Variants in PGGT1B observed in about 807,000 individuals in gnomAD.
PGGT1B encodes geranylgeranyl transferase type-1 subunit beta.
A neutral mutation model predicts 46.1 loss-of-function variants in PGGT1B; 30 were observed. That is an observed-to-expected ratio of 0.65 (90% CI 0.49 to 0.88). PGGT1B has a LOEUF of 0.88. PGGT1B is among the 40% of genes least tolerant of loss of function. The pLI is 0.00. For synonymous variants in PGGT1B, 170 were observed against 160.0 expected, an observed-to-expected ratio of 1.06 and a Z score of -0.47; for missense variants, 376 against 455.9, an observed-to-expected ratio of 0.82 and a Z score of 1.60.
chr5:115,257,734 C>T (rs1748385317), intron 1 of PGGT1B, among the ~76,000 whole-genome samples: 1 of 152,134 alleles, frequency 6.6e-6, no homozygotes, highest in Non-Finnish European at 1.5e-5. Flanking sequence ...GTGTCTTAAA[C>T]AATGGACTAC....
chr5:115,204,576 C>CTT lies in PGGT1B; in HGVS notation c.*7824_*7825dup, dbSNP rs1756010467. 1.3e-5 allele frequency: 2 copies of CTT among 152,098 alleles called. No individual in the cohort carries two copies. Among genetic ancestry groups the CTT allele is most frequent in the African/African-American group, 4.8e-5 (2 of 41,430 alleles). 9.4% of individuals were successfully genotyped at this position (152,098 alleles called of 1,614,324 possible). On this transcript the variant is annotated 3_prime_UTR_variant, in exon 9 of 9. Transcript: ENST00000419445. ...TTTTCACCCACCTAGAATGAAAAAA[C>CTT]TTTAAGCTTGATAAAATCCGGTGTC...
intron 8 of PGGT1B, among the ~76,000 whole-genome samples, chr5:115,216,059 T>C (rs554063762): frequency 1.3e-5 from 2 of 152,270 alleles, no homozygotes; most frequent in East Asian, 3.9e-4. Flanking sequence ...CCATTTATAT[T>C]GTCTGAATCT....
chr5:115,206,208 T>C lies in PGGT1B; in HGVS notation c.*6194A>G, dbSNP rs1174183423. On this transcript the variant is annotated 3_prime_UTR_variant, in exon 9 of 9. Transcript: ENST00000419445. ...TCAGATATTTAAAGAATATTCTCTA[T>C]TTCTATATCTCTATATACAGAGATT... 6.2e-4 allele frequency: 95 copies of C among 152,014 alleles called. No homozygotes were observed. The highest frequency in any genetic ancestry group is 2.2e-4 in the Non-Finnish European group (15 of 67,842). The allele number at this position is 152,014 out of a possible 1,614,324, so 9.4% of individuals were successfully genotyped here. A position where few individuals can be genotyped will look rare whatever the true frequency, so the allele number is the denominator to read the frequency against.
intron 5 of PGGT1B, 101 bp from the exon 6 acceptor site, chr5:115,231,122 T>C: frequency 1.7e-6 from 1 of 583,080 alleles, no homozygotes; most frequent in East Asian, 3.3e-5. Context: ...TCTCTTTAAA[T>C]TTTATTTCTC....
chr5:115,212,374 T>TGCCCCCCC lies in PGGT1B; in HGVS notation c.*27_*28insGGGGGGGC. On this transcript the variant is annotated 3_prime_UTR_variant, in exon 9 of 9. Coordinates refer to ENST00000419445, the MANE Select transcript of PGGT1B (RefSeq NM_005023.4). ...ACTTGAGCTACAGTTATGCTACAAATCCCCCCACCCTCCCAATCTAAAATC... is the reference window on the plus strand; with the variant it reads ...ACTTGAGCTACAGTTATGCTACAAATGCCCCCCCCCCCCCACCCTCCCAATCTAAAATC... The TGCCCCCCC allele has an allele frequency of 6.4e-7, 1 of 1,554,744 alleles. No individual in the cohort carries two copies. The highest frequency in any genetic ancestry group is 8.8e-7 in the Non-Finnish European group (1 of 1,131,920).
intron 7 of PGGT1B, among the ~76,000 whole-genome samples, chr5:115,221,127 A>C (rs932300909): frequency 1.3e-5 from 2 of 152,008 alleles, no homozygotes; most frequent in African/African-American, 4.8e-5. Flanking sequence ...CTTATACATA[A>C]ATTTTAAGAG....
intron 2 of PGGT1B, among the ~76,000 whole-genome samples, chr5:115,247,569 C>G (rs1747907775): frequency 6.6e-6 from 1 of 152,072 alleles, no homozygotes; most frequent in Non-Finnish European, 1.5e-5. Context: ...AATAATTCCA[C>G]ATAAATCTCA....
intron 2 of PGGT1B, among the ~76,000 whole-genome samples, chr5:115,251,086 C>G (rs1332721333): frequency 6.6e-6 from 1 of 152,058 alleles, no homozygotes; most frequent in Admixed American, 6.6e-5. Flanking sequence ...TAGAACATAT[C>G]TTTTGGGGAA....
chr5:115,261,249 C>T (rs1181773072), intron 1 of PGGT1B, among the ~76,000 whole-genome samples: 1 of 152,154 alleles, frequency 6.6e-6, no homozygotes, highest in Non-Finnish European at 1.5e-5. Context: ...AAGGTATAGG[C>T]TCTGCTAATC....
intron 7 of PGGT1B, 70 bp downstream of exon 7, chr5:115,221,754 A>T: frequency 1.0e-6 from 1 of 962,848 alleles, no homozygotes; most frequent in Non-Finnish European, 1.5e-6. Context: ...CATTACAAAG[A>T]TCAAACCTTT....
At chr5:115,256,406 T>C (rs1561487212) in intron 1 of PGGT1B, among the ~76,000 whole-genome samples, 1 of 152,202 alleles carries the variant, frequency 6.6e-6, no homozygotes, top group South Asian at 2.1e-4. Context: ...AAGTGCCAAA[T>C]ACAAGAAATC....
intron 2 of PGGT1B, among the ~76,000 whole-genome samples, chr5:115,251,415 G>A (rs376618836): frequency 5.9e-5 from 9 of 152,024 alleles, no homozygotes; most frequent in South Asian, 2.1e-4. Flanking sequence ...ATATAATAGC[G>A]TTATAAAAAA....
intron 1 of PGGT1B, among the ~76,000 whole-genome samples, chr5:115,260,729 A>C (rs939932096): frequency 6.6e-6 from 1 of 152,140 alleles, no homozygotes; most frequent in Non-Finnish European, 1.5e-5. Context: ...TTAGACAAAA[A>C]AGGATACAAT....
chr5:115,260,545 T>C (rs899136888), intron 1 of PGGT1B, among the ~76,000 whole-genome samples: 23 of 152,128 alleles, frequency 1.5e-4, no homozygotes, highest in African/African-American at 5.3e-4. Flanking sequence ...AAGTCAGTTA[T>C]GAATCACATG....
At chr5:115,223,574 C>T (rs1357097262) in intron 6 of PGGT1B, among the ~76,000 whole-genome samples, 2 of 152,118 alleles carry the variant, frequency 1.3e-5, no homozygotes, top group East Asian at 3.8e-4. Flanking sequence ...GCGAAAGGAG[C>T]CGGCCCTGCT....
chr5:115,252,903 G>C (rs1347276615), intron 2 of PGGT1B: 2 of 456,416 alleles, frequency 4.4e-6, no homozygotes, highest in Non-Finnish European at 7.7e-6. Context: ...ATAGTATGGT[G>C]CCACAACTGT....
chr5:115,244,328 G>A (rs995973772), intron 2 of PGGT1B, among the ~76,000 whole-genome samples: 15 of 151,342 alleles, frequency 9.9e-5, no homozygotes, highest in Non-Finnish European at 1.8e-4. Flanking sequence ...AGCTGGGCGC[G>A]GTGGCGGGCG....
At chr5:115,237,041 T>C (rs1183847099) in intron 4 of PGGT1B, among the ~76,000 whole-genome samples, 4 of 152,184 alleles carry the variant, frequency 2.6e-5, no homozygotes, top group African/African-American at 4.8e-5. Context: ...TATGTATTTA[T>C]AAACAAGAAT....
intron 6 of PGGT1B, among the ~76,000 whole-genome samples, chr5:115,230,488 A>G (rs1234650217): frequency 6.6e-6 from 1 of 152,198 alleles, no homozygotes; most frequent in African/African-American, 2.4e-5. Flanking sequence ...GGAAAAAAAC[A>G]TGAAAGAAAA....
Sources: allele counts gnomAD v4.1 joint callset (sites outside exome capture counted in the v4.1 genomes callset), GRCh38; gene constraint gnomAD v4.1.1; transcripts MANE v1.5; gene names NCBI Gene and HGNC (gene_info 2026-07-23, HGNC 2026-07-21).